Variants in SPATA9 observed in about 807,000 individuals in gnomAD.
SPATA9 encodes the protein spermatogenesis associated 9, also known as spermatogenesis-associated protein 9.
In SPATA9, 27 loss-of-function variants were observed where a neutral mutation model predicts 25.5. The observed-to-expected ratio is 1.06, with a 90% CI of 0.78 to 1.46. SPATA9 has a LOEUF of 1.46. SPATA9 is among the 40% of genes most tolerant of loss of function. The pLI is 0.00. For missense variants in SPATA9, 282 were observed against 297.5 expected (o/e 0.95, Z 0.38); for synonymous variants, 102 against 105.7 (o/e 0.97, Z 0.21).
At chr5:95,731,044 G>A in the SPATA9 span, 1 of 1,034,806 alleles carries the variant, frequency 9.7e-7, no homozygotes, top group Non-Finnish European at 1.2e-6. Flanking sequence ...CCTGGCTCTG[G>A]TTACGGCCTT....
chr5:95,731,033 T>C, the SPATA9 span: 1 of 981,632 alleles, frequency 1.0e-6, no homozygotes, highest in South Asian at 1.6e-5. Context: ...CACCCCCCTT[T>C]CCTGGCTCTG....
At chr5:95,708,098 G>A in the SPATA9 span, among the ~76,000 whole-genome samples, 2 of 152,170 alleles carry the variant, frequency 1.3e-5, no homozygotes, top group Non-Finnish European at 2.9e-5. Context: ...TTAGCCAGGG[G>A]TTCCAGTTGA....
the SPATA9 span, among the ~76,000 whole-genome samples, chr5:95,704,441 T>C: frequency 5.8e-4 from 89 of 152,266 alleles, 2 homozygotes; most frequent in African/African-American, 2.0e-3. Flanking sequence ...AAATAGTTGA[T>C]AGGAGGTAGT....
chr5:95,688,482 C>G (rs1188722908), intron 1 of SPATA9, among the ~76,000 whole-genome samples: 2 of 152,130 alleles, frequency 1.3e-5, no homozygotes, highest in South Asian at 2.1e-4. Context: ...GAACTCCTGA[C>G]CTCAAGCAGT....
chr5:95,656,190 A>G, downstream of SPATA9: 1 of 1,614,110 alleles, frequency 6.2e-7, no homozygotes, highest in Non-Finnish European at 8.5e-7. Context: ...AAAGCAAAGG[A>G]TTCACACAGT....
downstream of SPATA9, chr5:95,656,771 T>C (rs917427684): frequency 2.0e-5 from 3 of 152,928 alleles, no homozygotes; most frequent in Admixed American, 1.3e-4. Flanking sequence ...TTAACAGTTA[T>C]CAGCATTCTT....
At chr5:95,652,907 G>T, downstream of SPATA9, 1 of 604,448 alleles carries the variant, frequency 1.7e-6, no homozygotes, top group Non-Finnish European at 2.7e-6. Context: ...ACAGAGCCGG[G>T]AGCATTCTTT....
At chr5:95,665,180 A>G (rs1751658694) in intron 3 of SPATA9, among the ~76,000 whole-genome samples, 2 of 152,174 alleles carry the variant, frequency 1.3e-5, no homozygotes, top group South Asian at 4.1e-4. Context: ...TCTGTATCAC[A>G]TTGTGCATTT....
Position 95,698,084 on chromosome 5 carries a change from T to G in SPATA9, n.124+504A>C, listed in dbSNP as rs569633644. On this transcript the variant is annotated intron_variant and non_coding_transcript_variant, in intron 1 of 2. Transcript: ENST00000379990. ...AACATATGTACTCAAGCTTCTTAAG[T>G]AAAACTGATTTCTTCTTTTTTCTTT... Among the ~76,000 whole-genome samples, 5 of 152,332 alleles carry G rather than the reference T, an allele frequency of 3.3e-5. No individual in the cohort carries two copies. The East Asian group carries it at 9.6e-4, about 29-fold the overall frequency.
chr5:95,652,525 G>T, downstream of SPATA9: 1 of 669,942 alleles, frequency 1.5e-6, no homozygotes, highest in East Asian at 3.1e-5. Context: ...TCATTTCTTG[G>T]CCTTTCTCCT....
Position 95,676,504 on chromosome 5 carries a change from C to A in SPATA9, c.151-865G>T, listed in dbSNP as rs572215650. 2.0e-5 allele frequency among the ~76,000 whole-genome samples: 3 copies of A among 152,298 alleles called. No individual in the cohort carries two copies. In the East Asian group the frequency reaches 5.8e-4, roughly 29 times the overall value. On this transcript the variant is annotated intron_variant, in intron 2 of 4. Coordinates refer to ENST00000274432, the MANE Select transcript of SPATA9 (RefSeq NM_031952.4). ...TTTTTTTATTTTCTTCTTGCTACAG[C>A]CATGCCCATTTCTTTGTCATAGGCA...
chr5:95,673,322 T>G (rs1384733264), intron 3 of SPATA9, among the ~76,000 whole-genome samples: 1 of 152,146 alleles, frequency 6.6e-6, no homozygotes, highest in East Asian at 1.9e-4. Flanking sequence ...GCTGATGCTT[T>G]TGCTGTGAAT....
intron 1 of SPATA9, among the ~76,000 whole-genome samples, chr5:95,697,933 A>T (rs1754077988): frequency 6.7e-6 from 1 of 148,388 alleles, no homozygotes; most frequent in Non-Finnish European, 1.5e-5. Flanking sequence ...TCACAGCTCA[A>T]TTACACAAGT....
At chr5:95,690,171 CTAAAA>C (rs1192387325) in intron 1 of SPATA9, among the ~76,000 whole-genome samples, 1 of 151,586 alleles carries the variant, frequency 6.6e-6, no homozygotes, top group Non-Finnish European at 1.5e-5. Flanking sequence ...ACATGAACTG[CTAAAA>C]TAAAAGTTAA....
At chr5:95,691,827 C>T (rs902266590) in intron 1 of SPATA9, among the ~76,000 whole-genome samples, 4 of 152,132 alleles carry the variant, frequency 2.6e-5, no homozygotes, top group Non-Finnish European at 5.9e-5. Context: ...CAACACCAAA[C>T]ATTATTCTAA....
chr5:95,654,336 C>G (rs762557156), downstream of SPATA9: 1 of 1,609,026 alleles, frequency 6.2e-7, no homozygotes, highest in African/African-American at 1.3e-5. Flanking sequence ...TTTTCAGACT[C>G]AGGAGGACCT....
At chr5:95,670,108 T>C (rs1413249394) in intron 3 of SPATA9, among the ~76,000 whole-genome samples, 1 of 152,158 alleles carries the variant, frequency 6.6e-6, no homozygotes, top group Admixed American at 6.6e-5. Flanking sequence ...AGGCTTCTAT[T>C]TGGCACAACA....
the SPATA9 span, among the ~76,000 whole-genome samples, chr5:95,715,578 A>G: frequency 6.6e-6 from 1 of 152,216 alleles, no homozygotes; most frequent in African/African-American, 2.4e-5. Flanking sequence ...TGTGTTATGT[A>G]TAAAAATTAC....
At chr5:95,685,693 G>A (rs1336700997), upstream of SPATA9, among the ~76,000 whole-genome samples, 1 of 152,174 alleles carries the variant, frequency 6.6e-6, no homozygotes, top group African/African-American at 2.4e-5. Context: ...TGTGCTAGGG[G>A]CTAAGTTAAC....
Sources: gnomAD v4.1 joint callset for allele counts (sites outside exome capture counted in the v4.1 genomes callset) on GRCh38, gnomAD v4.1.1 for gene constraint, MANE v1.5 for transcripts, NCBI Gene and HGNC (gene_info 2026-07-23, HGNC 2026-07-21) for gene names.